The following SEL1L3 variants were observed in gnomAD, a reference collection of about 807,000 sequenced individuals.
SEL1L3 encodes SEL1L family member 3.
Under a neutral mutation model 142.8 loss-of-function variants are expected in SEL1L3, and 76 were observed. That is an observed-to-expected ratio of 0.53 (90% CI 0.44 to 0.64). SEL1L3 has a LOEUF of 0.64. Ranked by LOEUF, SEL1L3 falls within the 30% of genes least tolerant of loss-of-function variation. The pLI is 0.00. For synonymous variants in SEL1L3, 504 were observed against 519.6 expected (o/e 0.97, Z 0.41); for missense variants, 1,262 against 1,381.7 (o/e 0.91, Z 1.37).
the SEL1L3 span, among the ~76,000 whole-genome samples, chr4:25,716,421 G>A: frequency 1.3e-5 from 2 of 152,082 alleles, no homozygotes; most frequent in East Asian, 3.9e-4. Flanking sequence ...ATGTAAATTG[G>A]TATTACCACA....
At chr4:25,794,495 G>A (rs1712575519) in intron 11 of SEL1L3, among the ~76,000 whole-genome samples, 1 of 152,064 alleles carries the variant, frequency 6.6e-6, no homozygotes, top group Non-Finnish European at 1.5e-5. Flanking sequence ...CTCATGCCAG[G>A]TAGATAGTGG....
At chr4:25,846,742 C>CT (rs1244076590) in intron 2 of SEL1L3, among the ~76,000 whole-genome samples, 1 of 151,942 alleles carries the variant, frequency 6.6e-6, no homozygotes, top group Non-Finnish European at 1.5e-5. Flanking sequence ...AACCCCATCT[C>CT]TACTAAAAAT....
intron 13 of SEL1L3, among the ~76,000 whole-genome samples, chr4:25,784,544 T>C (rs187478391): frequency 9.8e-5 from 15 of 152,288 alleles, no homozygotes; most frequent in African/African-American, 2.6e-4. Flanking sequence ...GTTGCAACCC[T>C]GTCAATCCAC....
chr4:25,852,584 C>T (rs578062360), intron 1 of SEL1L3, among the ~76,000 whole-genome samples: 6 of 152,222 alleles, frequency 3.9e-5, no homozygotes, highest in Non-Finnish European at 5.9e-5. Flanking sequence ...GTGGCCAACA[C>T]GCCTTATTCC....
chr4:25,846,266 C>A (rs951984140), intron 2 of SEL1L3, among the ~76,000 whole-genome samples: 33 of 152,182 alleles, frequency 2.2e-4, no homozygotes, highest in African/African-American at 7.0e-4. Context: ...GCAGAAGGGC[C>A]TTGGAGCCTC....
chr4:25,812,017 G>A (rs1403323819), intron 9 of SEL1L3, among the ~76,000 whole-genome samples: 6 of 152,152 alleles, frequency 3.9e-5, no homozygotes, highest in East Asian at 1.9e-4. Flanking sequence ...ATGTGTCTCC[G>A]TCGCTCACTC....
rs570107750 is a variant in SEL1L3, at chr4:25,792,823, T to G, written c.1957-2249A>C. Among the ~76,000 whole-genome samples the G allele has an allele frequency of 2.5e-3, 375 of 152,356 alleles. 1 individual carries two copies. The highest frequency in any genetic ancestry group is 8.4e-3 in the African/African-American group (351 of 41,584). Reference sequence around the variant, plus strand: ...AGTTAGAATTCAGATCCCCTCAGTCTGATATGGAAGGTGCTCTTAATGTTT... The same window carrying G: ...AGTTAGAATTCAGATCCCCTCAGTCGGATATGGAAGGTGCTCTTAATGTTT... On this transcript the variant is annotated intron_variant, in intron 11 of 23. Transcript: ENST00000399878.
At chr4:25,833,219 A>C (rs924038998) in intron 4 of SEL1L3, 109 bp from the exon 5 acceptor site, 6 of 742,710 alleles carry the variant, frequency 8.1e-6, no homozygotes, top group Non-Finnish European at 1.4e-5. Flanking sequence ...ACTCCACGAA[A>C]ACAAAGCAAA....
chr4:25,764,735 T>G (rs574875779), intron 20 of SEL1L3, among the ~76,000 whole-genome samples: 1 of 152,308 alleles, frequency 6.6e-6, no homozygotes, highest in East Asian at 1.9e-4. Context: ...ATTTGATTAT[T>G]TGGTCTTGAA....
In SEL1L3 at chr4:25,790,876, T is replaced by C. The variant is rs1020520867; in HGVS notation, c.1957-302A>G. On this transcript the variant is annotated intron_variant, in intron 11 of 23. Coordinates refer to ENST00000399878, the MANE Select transcript of SEL1L3 (RefSeq NM_015187.5). Reference sequence around the variant, plus strand: ...TATAAGCACGCAAAAGACATGACATTATTCTTAAACCAGCAATTGCTCAAG... The same window carrying C: ...TATAAGCACGCAAAAGACATGACATCATTCTTAAACCAGCAATTGCTCAAG... Among the ~76,000 whole-genome samples the C allele has an allele frequency of 2.0e-5, 3 of 152,186 alleles. No homozygotes were observed. In the East Asian group the frequency reaches 5.8e-4, roughly 29 times the overall value.
chr4:25,862,072 T>A (rs1374670414), intron 1 of SEL1L3: 1 of 152,236 alleles, frequency 6.6e-6, no homozygotes, highest in Non-Finnish European at 1.5e-5. Context: ...GTAAGCGTGT[T>A]ACAGAGAACT....
chr4:25,835,866 G>C (rs760337421), intron 2 of SEL1L3, among the ~76,000 whole-genome samples: 4 of 152,142 alleles, frequency 2.6e-5, no homozygotes, highest in Non-Finnish European at 5.9e-5. Flanking sequence ...AGTGTACACC[G>C]GCAATATGCT....
chr4:25,757,376 C>CA (rs1413494233), intron 23 of SEL1L3, 158 bp downstream of exon 23: 4 of 619,442 alleles, frequency 6.5e-6, no homozygotes, highest in Non-Finnish European at 1.1e-5. Flanking sequence ...GAAGGATTCC[C>CA]ACCCTGTGAA....
At chr4:25,839,177 T>TTTA (rs1716016805) in intron 2 of SEL1L3, among the ~76,000 whole-genome samples, 1 of 152,242 alleles carries the variant, frequency 6.6e-6, no homozygotes, top group Non-Finnish European at 1.5e-5. Flanking sequence ...AGGTGTTTAA[T>TTTA]TTTCTTTAAA....
intron 9 of SEL1L3, among the ~76,000 whole-genome samples, chr4:25,811,948 T>C (rs766710336): frequency 3.3e-5 from 5 of 152,170 alleles, no homozygotes; most frequent in East Asian, 1.9e-4. Flanking sequence ...ACCCGGAGGA[T>C]AGGTTCGCCT....
chr4:25,753,305 A>G (rs1426025467), intron 23 of SEL1L3, among the ~76,000 whole-genome samples: 1 of 152,252 alleles, frequency 6.6e-6, no homozygotes, highest in Non-Finnish European at 1.5e-5. Flanking sequence ...TTTTAAATAC[A>G]ACTGACTGGA....
the SEL1L3 span, among the ~76,000 whole-genome samples, chr4:25,714,668 T>C: frequency 2.0e-5 from 3 of 151,460 alleles, no homozygotes; most frequent in African/African-American, 7.3e-5. Context: ...ATCTTCTGGG[T>C]TCAAGAAATT....
intron 20 of SEL1L3, among the ~76,000 whole-genome samples, chr4:25,761,660 C>G (rs1184970851): frequency 6.6e-6 from 1 of 152,026 alleles, no homozygotes; most frequent in Non-Finnish European, 1.5e-5. Context: ...AATAAGAATA[C>G]AGAATTTACA....
intron 1 of SEL1L3, among the ~76,000 whole-genome samples, chr4:25,848,456 TG>T (rs534173001): frequency 1.3e-3 from 201 of 152,324 alleles, no homozygotes; most frequent in African/African-American, 4.6e-3. Context: ...GCTCAGACGA[TG>T]GGCTGTGTTG....
Sources: allele counts gnomAD v4.1 joint callset (sites outside exome capture counted in the v4.1 genomes callset), GRCh38; gene constraint gnomAD v4.1.1; transcripts MANE v1.5; gene names NCBI Gene and HGNC (gene_info 2026-07-23, HGNC 2026-07-21).